TTC28: variants seen among roughly 807,000 people sequenced by gnomAD.
TTC28 encodes the protein tetratricopeptide repeat domain 28.
A neutral mutation model predicts 198.0 loss-of-function variants in TTC28; 61 were observed. The ratio of observed to expected loss-of-function variants is 0.31; its 90% CI spans 0.25 to 0.38. The LOEUF (loss-of-function observed/expected upper bound fraction) is 0.38. Ranked by LOEUF, TTC28 falls within the 10% of genes least tolerant of loss-of-function variation. TTC28 has a pLI of 1.00. For missense variants in TTC28, 2,678 were observed against 3,164.0 expected, an observed-to-expected ratio of 0.85 and a Z score of 3.69; for synonymous variants, 1,171 against 1,297.8, an observed-to-expected ratio of 0.90 and a Z score of 2.10.
chr22:28,165,402 G>GA (rs1921809487), intron 5 of TTC28, among the ~76,000 whole-genome samples: 1 of 151,870 alleles, frequency 6.6e-6, no homozygotes, highest in African/African-American at 2.4e-5. Flanking sequence ...TGAAATGAAG[G>GA]AAAAAATGTT....
At chr22:28,129,528 GCAAGTTA>G (rs1299027421) in intron 6 of TTC28, among the ~76,000 whole-genome samples, 2 of 152,192 alleles carry the variant, frequency 1.3e-5, no homozygotes, top group Non-Finnish European at 2.9e-5. Flanking sequence ...GTGATCTTAA[GCAAGTTA>G]CTTACCCTCT....
At chr22:28,446,438 A>T (rs1025670794) in intron 2 of TTC28, among the ~76,000 whole-genome samples, 9 of 152,112 alleles carry the variant, frequency 5.9e-5, no homozygotes, top group African/African-American at 1.9e-4. Flanking sequence ...TATAATCCCC[A>T]ATGTCAGAGG....
chr22:28,183,770 A>G (rs909955727), intron 5 of TTC28, among the ~76,000 whole-genome samples: 1 of 152,178 alleles, frequency 6.6e-6, no homozygotes, highest in African/African-American at 2.4e-5. Flanking sequence ...CCAATTATCT[A>G]TATGCAGGAT....
intron 2 of TTC28, among the ~76,000 whole-genome samples, chr22:28,528,737 T>TAAAA (rs5844812): frequency 1.8e-3 from 158 of 89,900 alleles, no homozygotes; most frequent in African/African-American, 7.2e-3. Context: ...CCCTGTCTCA[T>TAAAA]AAAAAAAAAA....
chr22:28,455,726 A>C (rs1332825757), intron 2 of TTC28, among the ~76,000 whole-genome samples: 2 of 152,074 alleles, frequency 1.3e-5, no homozygotes, highest in African/African-American at 4.8e-5. Flanking sequence ...AAAAAAAAAA[A>C]AAAATTAGCA....
intron 3 of TTC28, among the ~76,000 whole-genome samples, chr22:28,301,542 G>T (rs775459110): frequency 1.3e-5 from 2 of 152,126 alleles, no homozygotes; most frequent in African/African-American, 4.8e-5. Context: ...TCAACTAAGA[G>T]ATATACTGTA....
At chr22:28,183,931 C>G (rs1171153191) in intron 5 of TTC28, among the ~76,000 whole-genome samples, 2 of 152,132 alleles carry the variant, frequency 1.3e-5, no homozygotes, top group East Asian at 3.8e-4. Context: ...CAATGGCAAA[C>G]TTAGATAACT....
At chr22:28,274,830 T>C (rs1470573903) in intron 5 of TTC28, among the ~76,000 whole-genome samples, 1 of 151,664 alleles carries the variant, frequency 6.6e-6, no homozygotes, top group Non-Finnish European at 1.5e-5. Flanking sequence ...AAATACAAAA[T>C]TTGCCAGATG....
At position 28,180,780 on chromosome 22, in the gene TTC28, C is replaced by A. The variant is rs572578495; in HGVS notation, c.934-17181G>T. The stretch of plus-strand genomic sequence containing the variant: ...ATCTCTAAGAACTGTGAACTCACAT[C>A]CATGGCCTACAAAGAAGAGGCTTAA... On this transcript the variant is annotated intron_variant, in intron 5 of 22. Transcript: ENST00000397906. 7.9e-5 allele frequency among the ~76,000 whole-genome samples: 12 copies of A among 152,258 alleles called. 1 individual carries two copies. Among genetic ancestry groups the A allele is most frequent in the African/African-American group, 2.9e-4 (12 of 41,556 alleles).
chr22:28,341,136 T>C (rs950394585), intron 2 of TTC28, among the ~76,000 whole-genome samples: 3 of 152,216 alleles, frequency 2.0e-5, no homozygotes, highest in African/African-American at 7.2e-5. Flanking sequence ...AATACTGCCT[T>C]TGTTCCAAGT....
chr22:28,075,624 T>C (rs1313662191), intron 12 of TTC28, among the ~76,000 whole-genome samples: 1 of 152,216 alleles, frequency 6.6e-6, no homozygotes, highest in African/African-American at 2.4e-5. Context: ...CTACAATCCC[T>C]GCAGCAAAGG....
At position 27,982,941 on chromosome 22, in the gene TTC28, C is replaced by T. The variant is rs1435143060; in HGVS notation, c.6726G>A (p.Leu2242=). The T allele has an allele frequency of 1.9e-6, 3 of 1,551,660 alleles. No individual in the cohort carries two copies. Among genetic ancestry groups the T allele is most frequent in the South Asian group, 2.4e-5 (2 of 84,046 alleles). Residue 2242 remains leucine (L), a synonymous_variant, in exon 23 of 23, where the codon CTG becomes CTA. Transcript: ENST00000397906. This position sits in a 1 kb window ranked among gnomAD's most constrained non-coding sequence, Gnocchi z 5.2. The part of the protein sequence containing the change: ...KPKPPARSSS[L]PKVSSGYSSP... The stretch of plus-strand genomic sequence containing the variant: ...TGCTATATCCGGAACTCACCTTGGG[C>T]AGGGAGGAGCTCCTGGCTGGGGGCT...
At chr22:28,632,639 G>A (rs2051196882) in intron 1 of TTC28, among the ~76,000 whole-genome samples, 1 of 151,662 alleles carries the variant, frequency 6.6e-6, no homozygotes. Context: ...TTCTGCTTAA[G>A]GTCAATAATA....
intron 16 of TTC28, among the ~76,000 whole-genome samples, chr22:27,996,790 C>G (rs1937561224): frequency 6.6e-6 from 1 of 152,204 alleles, no homozygotes; most frequent in South Asian, 2.1e-4. Flanking sequence ...AGCAGGTTCT[C>G]AAGCCCACAG....
At chr22:28,485,593 T>C (rs1568973780) in intron 2 of TTC28, among the ~76,000 whole-genome samples, 1 of 152,160 alleles carries the variant, frequency 6.6e-6, no homozygotes, top group Non-Finnish European at 1.5e-5. Flanking sequence ...CTGACTCTTC[T>C]TAAAGTGATT....
chr22:28,321,062 T>C (rs1002734878), intron 2 of TTC28, among the ~76,000 whole-genome samples: 25 of 152,158 alleles, frequency 1.6e-4, no homozygotes, highest in African/African-American at 6.0e-4. Context: ...CTTGAAAATA[T>C]CAGAAGATAA....
chr22:28,419,280 T>A (rs2047213357), intron 2 of TTC28, among the ~76,000 whole-genome samples: 1 of 152,138 alleles, frequency 6.6e-6, no homozygotes, highest in Non-Finnish European at 1.5e-5. Context: ...TTCCAAGAAG[T>A]CTTCTCTGAT....
At chr22:28,512,200 A>G (rs996568244) in intron 2 of TTC28, among the ~76,000 whole-genome samples, 1 of 152,186 alleles carries the variant, frequency 6.6e-6, no homozygotes. Context: ...AAAAAGCTCA[A>G]CATCACAGAT....
intron 5 of TTC28, among the ~76,000 whole-genome samples, chr22:28,218,266 T>C (rs1927560873): frequency 6.6e-6 from 1 of 152,208 alleles, no homozygotes; most frequent in African/African-American, 2.4e-5. Context: ...TTGGAAAATA[T>C]TGTTCAGTAA....
Sources: gnomAD v4.1 joint callset for allele counts (sites outside exome capture counted in the v4.1 genomes callset) on GRCh38, gnomAD v4.1.1 for gene constraint, Gnocchi (gnomAD v3.1) non-coding constraint, MANE v1.5 for transcripts, NCBI Gene and HGNC (gene_info 2026-07-23, HGNC 2026-07-21) for gene names.